CDH8: variants seen among roughly 807,000 people sequenced by gnomAD.
CDH8 encodes cadherin-8.
Under a neutral mutation model 68.1 loss-of-function variants are expected in CDH8, and 17 were observed. The observed-to-expected ratio is 0.25, with a 90% CI of 0.17 to 0.37. The LOEUF (loss-of-function observed/expected upper bound fraction) is 0.37. Among genes scored for constraint, CDH8 ranks in the 10% least tolerant of loss-of-function variants. The pLI is 1.00. For missense variants in CDH8, 763 were observed against 999.3 expected (o/e 0.76, Z 3.19); for synonymous variants, 372 against 365.1 (o/e 1.02, Z -0.21).
rs199867665 is a variant in CDH8 at position 61,719,734 on chromosome 16, T to C, written c.1537-5776A>G. Among the ~76,000 whole-genome samples the C allele has an allele frequency of 1.9e-4, 29 of 151,052 alleles. No homozygotes were observed. The East Asian group carries it at 3.5e-3, about 18-fold the overall frequency. Reference sequence around the variant, plus strand: ...AAGATTATAAACAGTAATTCCTATATTGAAAATATGTTCCATTGTTTATCC... The same window carrying C: ...AAGATTATAAACAGTAATTCCTATACTGAAAATATGTTCCATTGTTTATCC... On this transcript the variant is annotated intron_variant, in intron 9 of 11. Coordinates refer to ENST00000577390, the MANE Select transcript of CDH8 (RefSeq NM_001796.5).
intron 7 of CDH8, among the ~76,000 whole-genome samples, chr16:61,809,584 G>A (rs1961889905): frequency 6.6e-6 from 1 of 152,090 alleles, no homozygotes; most frequent in South Asian, 2.1e-4. Flanking sequence ...ATGTATCCCA[G>A]AACTTAAAGC....
intron 3 of CDH8, among the ~76,000 whole-genome samples, chr16:61,883,130 A>G (rs1179320964): frequency 6.6e-6 from 1 of 152,144 alleles, no homozygotes; most frequent in Admixed American, 6.6e-5. Context: ...GGTATGGTTA[A>G]GAAAGAATAT....
chr16:61,851,550 C>T (rs868431607), intron 4 of CDH8, among the ~76,000 whole-genome samples: 1 of 151,984 alleles, frequency 6.6e-6, no homozygotes, highest in African/African-American at 2.4e-5. Context: ...TGTTTTCTCA[C>T]TGCTGTCCTC....
Position 61,857,162 on chromosome 16 carries a change from A to C in CDH8, c.624T>G (p.Ser208Arg). ...AAAAATAAGGCTGCCCTTCCAATAT[A>C]CTATAAACCAACTTTGCACTGTTTC... ...VYGNSAKLVYSILEGQPYFSI... is the reference protein window; with the variant it reads ...VYGNSAKLVYRILEGQPYFSI... Residue 208 changes from serine (S) to arginine (R), a missense_variant, in exon 4 of 12, where the codon AGT (serine) becomes AGG (arginine). Transcript: ENST00000577390. 1 of 1,613,590 alleles carries C rather than the reference A, an allele frequency of 6.2e-7. No homozygotes were observed. The highest frequency in any genetic ancestry group is 8.5e-7 in the Non-Finnish European group (1 of 1,179,626).
intron 9 of CDH8, among the ~76,000 whole-genome samples, chr16:61,721,665 G>A (rs959568218): frequency 2.0e-5 from 3 of 148,348 alleles, no homozygotes; most frequent in East Asian, 3.9e-4. Flanking sequence ...GAAAAAAAAT[G>A]TTCACTCTTG....
intron 2 of CDH8, among the ~76,000 whole-genome samples, chr16:61,984,980 G>A (rs1353729374): frequency 1.3e-5 from 2 of 152,012 alleles, no homozygotes; most frequent in Non-Finnish European, 2.9e-5. Flanking sequence ...TGGTCTTTTT[G>A]GGGCCTTTTA....
intron 2 of CDH8, among the ~76,000 whole-genome samples, chr16:61,960,348 T>TACACACATATATAC (rs1567546610): frequency 0.043 from 1,243 of 28,818 alleles, 429 homozygotes; most frequent in Admixed American, 0.095. Context: ...CATATATACA[T>TACACACATATATAC]GTGTGTGTGT....
intron 10 of CDH8, among the ~76,000 whole-genome samples, chr16:61,710,169 T>A (rs1038525214): frequency 8.5e-5 from 13 of 152,198 alleles, no homozygotes; most frequent in Admixed American, 8.5e-4. Context: ...CACATATCCA[T>A]CACAGCACAA....
rs557794879 is a variant in CDH8 at position 61,775,711 on chromosome 16, C to T, written c.1414+13635G>A. Among the ~76,000 whole-genome samples the T allele has an allele frequency of 1.6e-4, 25 of 152,104 alleles. No individual in the cohort carries two copies. The East Asian group carries it at 3.1e-3, about 19-fold the overall frequency. On this transcript the variant is annotated intron_variant, in intron 8 of 11. Transcript: ENST00000577390. The stretch of plus-strand genomic sequence containing the variant: ...ACAAGCTGTGTCTGCTAAAGCACCC[C>T]GGACTAAACGGCCCACCATATATAC...
chr16:61,782,351 A>G (rs1451736165), intron 8 of CDH8, among the ~76,000 whole-genome samples: 1 of 152,044 alleles, frequency 6.6e-6, no homozygotes, highest in African/African-American at 2.4e-5. Flanking sequence ...AAATCGGGTC[A>G]CTCCAACCCG....
intron 7 of CDH8, among the ~76,000 whole-genome samples, chr16:61,794,644 T>A (rs1961456113): frequency 6.6e-6 from 1 of 152,026 alleles, no homozygotes; most frequent in Non-Finnish European, 1.5e-5. Context: ...AATGTTAGTG[T>A]CCTGCGTGTA....
At chr16:62,015,494 G>T (rs111338525) in intron 2 of CDH8, among the ~76,000 whole-genome samples, 3 of 152,062 alleles carry the variant, frequency 2.0e-5, no homozygotes, top group African/African-American at 7.2e-5. Flanking sequence ...TGAGGAAATT[G>T]CACCTAACAG....
chr16:61,723,687 CAGTA>C (rs1959258767), intron 9 of CDH8, among the ~76,000 whole-genome samples: 1 of 150,692 alleles, frequency 6.6e-6, no homozygotes, highest in Non-Finnish European at 1.5e-5. Context: ...AGTTGGTGCT[CAGTA>C]AGTATTTACT....
intron 2 of CDH8, among the ~76,000 whole-genome samples, chr16:61,986,753 G>A (rs1965636076): frequency 6.6e-6 from 1 of 152,216 alleles, no homozygotes; most frequent in South Asian, 2.1e-4. Context: ...TGGAGTCTGT[G>A]AGACACTGGC....
Position 61,735,213 on chromosome 16 carries a change from T to C in CDH8, c.1415-7998A>G, listed in dbSNP as rs531967378. Among the ~76,000 whole-genome samples the C allele has an allele frequency of 4.6e-5, 7 of 152,216 alleles. No individual in the cohort carries two copies. In the East Asian group the frequency reaches 1.4e-3, roughly 29 times the overall value. The stretch of plus-strand genomic sequence containing the variant: ...ATCTACATAGACCGTTTTCCAAATG[T>C]GATCTTGGCAGGTTTCTGGGGTTTC... On this transcript the variant is annotated intron_variant, in intron 8 of 11. Coordinates refer to ENST00000577390, the MANE Select transcript of CDH8 (RefSeq NM_001796.5).
At position 61,651,944 on chromosome 16, in the gene CDH8, T is replaced by C; in HGVS notation, c.*1664A>G. The C allele has an allele frequency of 3.1e-6, 1 of 323,552 alleles. No individual in the cohort carries two copies. Among genetic ancestry groups the C allele is most frequent in the Non-Finnish European group, 4.4e-6 (1 of 224,950 alleles). 20.0% of individuals were successfully genotyped at this position (323,552 alleles called of 1,614,324 possible). A position where few individuals can be genotyped will look rare whatever the true frequency, so the allele number is the denominator to read the frequency against. ...GATTTGGTTGAGTATTCTAGAATTT[T>C]AGTTTGAGTTGATGATTCTGTTAAT... On this transcript the variant is annotated 3_prime_UTR_variant, in exon 12 of 12. Transcript: ENST00000577390.
In CDH8 at chr16:61,652,057, TTCTC is replaced by T. The variant is rs1244397327; in HGVS notation, c.*1547_*1550del. On this transcript the variant is annotated 3_prime_UTR_variant, in exon 12 of 12. Transcript: ENST00000577390. ...ACAAAGTAGGAAACAATACAGGAGT[TTCTC>T]TGAATACAATACATGGAGTGAATAA... is the stretch of plus-strand genomic sequence containing the variant. 2.3e-6 allele frequency: 2 copies of T among 880,892 alleles called. No individual in the cohort carries two copies. The highest frequency in any genetic ancestry group is 2.7e-6 in the Non-Finnish European group (2 of 734,928). The allele number at this position is 880,892 out of a possible 1,614,324, so 54.6% of individuals were successfully genotyped here.
intron 4 of CDH8, among the ~76,000 whole-genome samples, chr16:61,830,271 C>T (rs1332779376): frequency 1.3e-5 from 2 of 151,672 alleles, no homozygotes; most frequent in East Asian, 1.9e-4. Context: ...GTATGAAATG[C>T]CACCTAATAC....
intron 2 of CDH8, among the ~76,000 whole-genome samples, chr16:61,964,223 T>A (rs1052768435): frequency 6.6e-6 from 1 of 152,180 alleles, no homozygotes; most frequent in Non-Finnish European, 1.5e-5. Context: ...GAGTTCTACA[T>A]ACATTTTAAA....
Sources: allele counts gnomAD v4.1 joint callset (sites outside exome capture counted in the v4.1 genomes callset), GRCh38; gene constraint gnomAD v4.1.1; transcripts MANE v1.5; gene names NCBI Gene and HGNC (gene_info 2026-07-23, HGNC 2026-07-21).